HDAC9: variants seen among roughly 807,000 people sequenced by gnomAD.
The protein encoded by HDAC9 is MEF-2 interacting transcription repressor (MITR) protein.
A neutral mutation model predicts 139.4 loss-of-function variants in HDAC9; 41 were observed. The ratio of observed to expected loss-of-function variants is 0.29; its 90% CI spans 0.23 to 0.38. HDAC9 has a LOEUF of 0.38. HDAC9 is among the 10% of genes least tolerant of loss of function. The probability of loss-of-function intolerance (pLI) is 1.00; values close to 1 mark genes in which losing one functional copy is unlikely to be tolerated. For synonymous variants in HDAC9, 517 were observed against 476.2 expected (o/e 1.09, Z -1.12); for missense variants, 1,147 against 1,297.0 (o/e 0.88, Z 1.78).
At chr7:18,523,891 C>T (rs1805906865) in intron 2 of HDAC9, among the ~76,000 whole-genome samples, 1 of 142,194 alleles carries the variant, frequency 7.0e-6, no homozygotes, top group African/African-American at 2.5e-5. Flanking sequence ...ACCCCGCCCT[C>T]CCCCACCTCC....
At chr7:18,779,025 C>T (rs1188576679) in intron 16 of HDAC9, among the ~76,000 whole-genome samples, 2 of 152,022 alleles carry the variant, frequency 1.3e-5, no homozygotes, top group African/African-American at 4.8e-5. Context: ...TCACAGTATT[C>T]ATTCATCATA....
chr7:18,245,589 A>G (rs1027212247), intron 2 of HDAC9, among the ~76,000 whole-genome samples: 1 of 152,188 alleles, frequency 6.6e-6, no homozygotes, highest in East Asian at 1.9e-4. Flanking sequence ...TTTCAACTTA[A>G]TCACTCAAAA....
chr7:18,222,968 C>T (rs1010035705), intron 2 of HDAC9, among the ~76,000 whole-genome samples: 3 of 152,082 alleles, frequency 2.0e-5, no homozygotes, highest in Non-Finnish European at 2.9e-5. Flanking sequence ...AAGGTTTTGC[C>T]AATTTACTCT....
intron 2 of HDAC9, among the ~76,000 whole-genome samples, chr7:18,209,208 C>T (rs944355578): frequency 2.0e-5 from 3 of 152,040 alleles, no homozygotes; most frequent in South Asian, 2.1e-4. Flanking sequence ...ATTGGTCACC[C>T]GCTTATATAA....
intron 1 of HDAC9, among the ~76,000 whole-genome samples, chr7:18,392,687 C>T (rs1317662198): frequency 4.0e-5 from 6 of 151,838 alleles, no homozygotes; most frequent in Non-Finnish European, 8.8e-5. Flanking sequence ...TAGTATTTTA[C>T]CTTGTCATCA....
At chr7:18,186,306 G>A (rs377262566) in intron 2 of HDAC9, among the ~76,000 whole-genome samples, 3 of 152,192 alleles carry the variant, frequency 2.0e-5, no homozygotes, top group Admixed American at 6.5e-5. Flanking sequence ...TTACAGGGAC[G>A]TTTTCCAAAA....
At chr7:18,420,137 G>C (rs552948145) in intron 1 of HDAC9, among the ~76,000 whole-genome samples, 2 of 152,266 alleles carry the variant, frequency 1.3e-5, no homozygotes, top group South Asian at 4.1e-4. Flanking sequence ...TGGAAGGCCA[G>C]GCAGGAACAA....
chr7:18,899,097 T>C (rs1801466901), intron 22 of HDAC9, among the ~76,000 whole-genome samples: 1 of 152,070 alleles, frequency 6.6e-6, no homozygotes, highest in African/African-American at 2.4e-5. Context: ...CAAACTGTTA[T>C]TAATGAAAAA....
At chr7:18,104,410 A>G (rs1783065255) in intron 1 of HDAC9, among the ~76,000 whole-genome samples, 2 of 152,302 alleles carry the variant, frequency 1.3e-5, no homozygotes, top group South Asian at 4.1e-4. Context: ...GGAACACAAT[A>G]TAATTAAACT....
intron 1 of HDAC9, among the ~76,000 whole-genome samples, chr7:18,476,385 C>T (rs913154402): frequency 1.3e-5 from 2 of 151,876 alleles, no homozygotes; most frequent in African/African-American, 4.8e-5. Flanking sequence ...TTGTAAGAAA[C>T]CAGATTATAA....
intron 2 of HDAC9, among the ~76,000 whole-genome samples, chr7:18,547,857 TA>T (rs1220308994): frequency 1.9e-4 from 23 of 118,456 alleles, no homozygotes; most frequent in African/African-American, 2.4e-4. Flanking sequence ...CCTTCCTTCC[TA>T]CCCTCCCTCC....
intron 13 of HDAC9, among the ~76,000 whole-genome samples, chr7:18,736,842 C>T (rs12668871): frequency 0.044 from 6,699 of 152,064 alleles, 311 homozygotes; most frequent in East Asian, 0.1. Flanking sequence ...TGGTAGAATT[C>T]GGGTGTGAAT....
At chr7:18,890,545 ACTT>A (rs1249425675) in intron 22 of HDAC9, among the ~76,000 whole-genome samples, 2 of 152,196 alleles carry the variant, frequency 1.3e-5, no homozygotes, top group African/African-American at 4.8e-5. Flanking sequence ...CATTTAGCAA[ACTT>A]CTTCATTTAG....
At chr7:18,434,175 A>C (rs1466693991) in intron 1 of HDAC9, among the ~76,000 whole-genome samples, 2 of 152,208 alleles carry the variant, frequency 1.3e-5, no homozygotes, top group African/African-American at 4.8e-5. Flanking sequence ...GATGATTCCT[A>C]TATAATATAT....
chr7:18,319,953 T>C (rs1799913616), intron 1 of HDAC9, among the ~76,000 whole-genome samples: 1 of 152,238 alleles, frequency 6.6e-6, no homozygotes, highest in Admixed American at 6.5e-5. Context: ...AGGTTTTTGT[T>C]GTTGTTGATG....
intron 2 of HDAC9, among the ~76,000 whole-genome samples, chr7:18,279,699 C>T (rs1005953128): frequency 6.6e-5 from 10 of 151,948 alleles, no homozygotes; most frequent in East Asian, 1.9e-4. Context: ...CTCCTGACCT[C>T]GTGATCCACC....
At chr7:18,271,763 A>G (rs1032729190) in intron 2 of HDAC9, among the ~76,000 whole-genome samples, 4 of 152,192 alleles carry the variant, frequency 2.6e-5, no homozygotes, top group African/African-American at 9.7e-5. Context: ...TTAATACAGG[A>G]TGGAGAACCC....
chr7:18,358,843 T>C (rs1783539401), intron 1 of HDAC9, among the ~76,000 whole-genome samples: 1 of 152,224 alleles, frequency 6.6e-6, no homozygotes, highest in Non-Finnish European at 1.5e-5. Flanking sequence ...AATTGAGGTA[T>C]AATAACCACG....
intron 1 of HDAC9, among the ~76,000 whole-genome samples, chr7:18,140,607 G>C (rs529880302): frequency 3.3e-5 from 5 of 152,224 alleles, no homozygotes; most frequent in African/African-American, 1.2e-4. Flanking sequence ...TAGCTGTGCA[G>C]TTACTATATC....
Sources: gnomAD v4.1 joint callset for allele counts (sites outside exome capture counted in the v4.1 genomes callset) on GRCh38, gnomAD v4.1.1 for gene constraint, MANE v1.5 for transcripts, NCBI Gene and HGNC (gene_info 2026-07-23, HGNC 2026-07-21) for gene names.